Variants in SLC35F3 observed in about 807,000 individuals in gnomAD.
SLC35F3 encodes solute carrier family 35 member F3.
SLC35F3 carries 25 observed loss-of-function variants against 49.9 expected under a neutral mutation model. The observed-to-expected ratio is 0.50, with a 90% CI of 0.37 to 0.70. The LOEUF (loss-of-function observed/expected upper bound fraction) is 0.70. Among genes scored for constraint, SLC35F3 ranks in the 30% least tolerant of loss-of-function variants. The pLI, the probability that SLC35F3 is intolerant of heterozygous loss-of-function variation, is 0.00. For synonymous variants in SLC35F3, 275 were observed against 265.4 expected, an observed-to-expected ratio of 1.04 and a Z score of -0.35; for missense variants, 525 against 639.8, an observed-to-expected ratio of 0.82 and a Z score of 1.94.
At chr1:234,133,255 T>G (rs2102899256) in intron 2 of SLC35F3, among the ~76,000 whole-genome samples, 1 of 152,322 alleles carries the variant, frequency 6.6e-6, no homozygotes, top group South Asian at 2.1e-4. Context: ...CCCCAAAGAA[T>G]AATTATCCTC....
rs150701053 is a variant in SLC35F3 at position 234,159,567 on chromosome 1, T to C, written c.284-71850T>C. Among the ~76,000 whole-genome samples, 411 of 152,146 alleles carry C rather than the reference T, an allele frequency of 2.7e-3. 1 individual carries two copies. Among genetic ancestry groups the C allele is most frequent in the African/African-American group, 9.5e-3 (394 of 41,496 alleles). The stretch of plus-strand genomic sequence containing the variant: ...ACTCCGTCTCAAAAAAAAAAGAACC[T>C]ATATGGAGAAGAAACTTTTGCCAAT... On this transcript the variant is annotated intron_variant, in intron 2 of 7. Coordinates refer to ENST00000366618, the MANE Select transcript of SLC35F3 (RefSeq NM_173508.4).
chr1:233,965,696 C>T (rs973905292), intron 2 of SLC35F3, among the ~76,000 whole-genome samples: 2 of 152,168 alleles, frequency 1.3e-5, no homozygotes, highest in African/African-American at 4.8e-5. Flanking sequence ...CTTCCCCACT[C>T]CAGCCTCCAG....
chr1:234,323,324 T>G lies in SLC35F3; in HGVS notation c.*81T>G. On this transcript the variant is annotated 3_prime_UTR_variant, in exon 8 of 8. Transcript: ENST00000366618. This position sits in a 1 kb window ranked among gnomAD's most constrained non-coding sequence, Gnocchi z 4.5. ...GAACCTCAGTTGGGTAAGGTGTACATACCTGTACAGTTTTGGTCATCTGCG... is the reference window on the plus strand; with the variant it reads ...GAACCTCAGTTGGGTAAGGTGTACAGACCTGTACAGTTTTGGTCATCTGCG... The G allele has an allele frequency of 8.1e-7, 1 of 1,227,076 alleles. No individual in the cohort carries two copies. The highest frequency in any genetic ancestry group is 1.2e-6 in the Non-Finnish European group (1 of 866,032). The allele number at this position is 1,227,076 out of a possible 1,614,324, so 76.0% of individuals were successfully genotyped here.
chr1:233,918,418 G>A (rs915317794), intron 2 of SLC35F3, among the ~76,000 whole-genome samples: 1 of 152,156 alleles, frequency 6.6e-6, no homozygotes, highest in Non-Finnish European at 1.5e-5. Context: ...ATGTGGAGGT[G>A]TCTGTGTGAT....
At chr1:234,301,974 G>C (rs114841331) in intron 3 of SLC35F3, among the ~76,000 whole-genome samples, 1,675 of 152,220 alleles carry the variant, frequency 0.011, 27 homozygotes, top group African/African-American at 0.039. Flanking sequence ...TCACTCATAA[G>C]TGGGATTTGA....
At chr1:234,183,803 C>T (rs957792991) in intron 2 of SLC35F3, among the ~76,000 whole-genome samples, 4 of 142,872 alleles carry the variant, frequency 2.8e-5, no homozygotes, top group Non-Finnish European at 6.0e-5. Context: ...CAAAATACCA[C>T]GCTGTGGACC....
intron 2 of SLC35F3, among the ~76,000 whole-genome samples, chr1:233,922,032 C>T (rs1014240376): frequency 6.6e-5 from 10 of 152,268 alleles, no homozygotes; most frequent in East Asian, 5.8e-4. Flanking sequence ...TTTCTTTATC[C>T]AGTCTATCAT....
intron 2 of SLC35F3, among the ~76,000 whole-genome samples, chr1:233,937,802 G>GT (rs1271785342): frequency 1.3e-5 from 2 of 152,198 alleles, no homozygotes; most frequent in African/African-American, 2.4e-5. Context: ...GATGCAGAAG[G>GT]TGAGATAGAA....
chr1:234,059,435 C>T (rs1448348792), intron 2 of SLC35F3, among the ~76,000 whole-genome samples: 1 of 151,554 alleles, frequency 6.6e-6, no homozygotes, highest in African/African-American at 2.4e-5. Context: ...TCTTTAATCC[C>T]TTGGTTATTT....
chr1:234,088,599 C>T (rs995035290), intron 2 of SLC35F3, among the ~76,000 whole-genome samples: 4 of 152,036 alleles, frequency 2.6e-5, no homozygotes, highest in Admixed American at 6.5e-5. Flanking sequence ...ATAGAAGTAC[C>T]GAATTAAAAT....
At chr1:233,941,438 G>T (rs1488617099) in intron 2 of SLC35F3, among the ~76,000 whole-genome samples, 3 of 152,120 alleles carry the variant, frequency 2.0e-5, no homozygotes, top group Non-Finnish European at 2.9e-5. Flanking sequence ...TGAATCTCTC[G>T]CATTAGAACA....
chr1:234,287,139 C>T (rs948551390), intron 3 of SLC35F3, among the ~76,000 whole-genome samples: 3 of 151,988 alleles, frequency 2.0e-5, no homozygotes, highest in African/African-American at 7.3e-5. Context: ...TTCCAGGCTC[C>T]AGGGAGCTAT....
intron 3 of SLC35F3, among the ~76,000 whole-genome samples, chr1:234,240,945 G>C (rs1462582996): frequency 1.3e-5 from 2 of 152,214 alleles, no homozygotes; most frequent in Non-Finnish European, 2.9e-5. Flanking sequence ...TGACCTTCCA[G>C]GATATGAGCT....
chr1:234,087,059 G>T (rs1664972310), intron 2 of SLC35F3, among the ~76,000 whole-genome samples: 1 of 152,186 alleles, frequency 6.6e-6, no homozygotes, highest in Non-Finnish European at 1.5e-5. Context: ...CTTCTAGGAA[G>T]GGCAGGTGCT....
chr1:234,312,222 T>C (rs905933382), intron 4 of SLC35F3, among the ~76,000 whole-genome samples: 1 of 151,994 alleles, frequency 6.6e-6, no homozygotes, highest in African/African-American at 2.4e-5. Flanking sequence ...TCAAGGGAAA[T>C]GGGAGGTGAG....
chr1:233,943,948 A>G (rs990134669), intron 2 of SLC35F3, among the ~76,000 whole-genome samples: 1 of 152,252 alleles, frequency 6.6e-6, no homozygotes, highest in African/African-American at 2.4e-5. Flanking sequence ...TTTTGGGGAA[A>G]AAATGGAATT....
intron 3 of SLC35F3, among the ~76,000 whole-genome samples, chr1:234,232,233 A>AAT (rs1667390447): frequency 6.6e-6 from 1 of 152,178 alleles, no homozygotes; most frequent in South Asian, 2.1e-4. Context: ...CATGGGTCTG[A>AAT]ATATCTCCCA....
intron 2 of SLC35F3, among the ~76,000 whole-genome samples, chr1:234,049,476 C>T (rs1157302693): frequency 3.9e-5 from 6 of 152,030 alleles, no homozygotes; most frequent in Admixed American, 3.9e-4. Flanking sequence ...GACGAGAATT[C>T]CCAAAGAAAC....
intron 2 of SLC35F3, among the ~76,000 whole-genome samples, chr1:234,029,672 CTG>C (rs1424935882): frequency 6.6e-6 from 1 of 152,176 alleles, no homozygotes; most frequent in Non-Finnish European, 1.5e-5. Context: ...CCTTTCCCAA[CTG>C]TTTCCCTGTG....
Sources: allele counts gnomAD v4.1 joint callset (sites outside exome capture counted in the v4.1 genomes callset), GRCh38; gene constraint gnomAD v4.1.1; non-coding constraint Gnocchi (gnomAD v3.1); transcripts MANE v1.5; gene names NCBI Gene and HGNC (gene_info 2026-07-23, HGNC 2026-07-21).